EBF3: variants seen among roughly 807,000 people sequenced by gnomAD.
EBF3 encodes the protein transcription factor COE3.
Under a neutral mutation model 77.1 loss-of-function variants are expected in EBF3, and 18 were observed. The observed-to-expected ratio is 0.23, with a 90% CI of 0.16 to 0.35. The LOEUF (loss-of-function observed/expected upper bound fraction) is 0.35, where lower values mean the gene tolerates loss of function less well. Among genes scored for constraint, EBF3 ranks in the 10% least tolerant of loss-of-function variants. The pLI is 1.00. For synonymous variants in EBF3, 350 were observed against 343.5 expected (o/e 1.02, Z -0.21); for missense variants, 558 against 860.0 (o/e 0.65, Z 4.39).
chr10:129,903,180 G>A (rs910613812), intron 6 of EBF3, among the ~76,000 whole-genome samples: 15 of 152,234 alleles, frequency 9.9e-5, no homozygotes, highest in Non-Finnish European at 1.8e-4. Flanking sequence ...ATGGAACCAG[G>A]TGAAGCTGCT....
chr10:129,849,135 A>G (rs990874629), intron 10 of EBF3, among the ~76,000 whole-genome samples: 5 of 152,228 alleles, frequency 3.3e-5, no homozygotes, highest in Non-Finnish European at 7.3e-5. Flanking sequence ...TCAGCGGCAC[A>G]TGCGCTGTGT....
At chr10:129,953,040 A>C (rs1398118019) in intron 6 of EBF3, among the ~76,000 whole-genome samples, 1 of 151,864 alleles carries the variant, frequency 6.6e-6, no homozygotes, top group Non-Finnish European at 1.5e-5. Context: ...CTAAAAAAAA[A>C]AAAAAAGAAG....
Position 129,841,042 on chromosome 10 carries a change from T to TCCACC in EBF3, c.1373-11_1373-10insGGTGG. The TCCACC allele has an allele frequency of 1.3e-6, 2 of 1,507,650 alleles. No homozygotes were observed. The highest frequency in any genetic ancestry group is 1.8e-6 in the Non-Finnish European group (2 of 1,131,780). 93.4% of individuals were successfully genotyped at this position (1,507,650 alleles called of 1,614,324 possible). ...TTGCGACTGTAGCCGACTGTTGAAA[T>TCCACC]CCCCCCCCCGGCCAAAAATAACATT... is the stretch of plus-strand genomic sequence containing the variant. On this transcript the variant is annotated splice_polypyrimidine_tract_variant and intron_variant, in intron 13 of 16. Coordinates refer to ENST00000440978, the MANE Select transcript of EBF3 (RefSeq NM_001375380.1). This position sits in a 1 kb window ranked among gnomAD's most constrained non-coding sequence, Gnocchi z 4.6.
At chr10:129,840,518 C>T in intron 14 of EBF3, 76 bp from the exon 15 acceptor site, 1 of 1,483,036 alleles carries the variant, frequency 6.7e-7, no homozygotes, top group East Asian at 2.5e-5. Flanking sequence ...AAGGCCTCGC[C>T]TCGGACGGGG....
chr10:129,887,359 T>C (rs1853682820), intron 6 of EBF3, among the ~76,000 whole-genome samples: 2 of 152,226 alleles, frequency 1.3e-5, no homozygotes, highest in African/African-American at 2.4e-5. Flanking sequence ...AAGCGCTGTC[T>C]TGTTACCGAG....
intron 6 of EBF3, among the ~76,000 whole-genome samples, chr10:129,922,106 T>C (rs1856353797): frequency 6.6e-6 from 1 of 152,216 alleles, no homozygotes; most frequent in African/African-American, 2.4e-5. Flanking sequence ...ACCAGGCTCA[T>C]GCCAGCCCTG....
intron 6 of EBF3, among the ~76,000 whole-genome samples, chr10:129,931,972 G>A (rs1314989616): frequency 3.3e-5 from 5 of 152,226 alleles, no homozygotes; most frequent in African/African-American, 7.2e-5. Context: ...TGAACCTGGC[G>A]GTTCTCTGTG....
At chr10:129,955,544 C>T (rs577766848) in intron 6 of EBF3, among the ~76,000 whole-genome samples, 12 of 152,214 alleles carry the variant, frequency 7.9e-5, no homozygotes, top group East Asian at 3.9e-4. Context: ...AACATTCAGA[C>T]GAGAATTAAG....
chr10:129,905,357 T>C (rs1382974897), intron 6 of EBF3, among the ~76,000 whole-genome samples: 3 of 152,134 alleles, frequency 2.0e-5, no homozygotes, highest in African/African-American at 7.3e-5. Context: ...TCAGCAATTT[T>C]ATATTGACTA....
At position 129,943,819 on chromosome 10, in the gene EBF3, T is replaced by G. The variant is rs1043718893; in HGVS notation, c.554+13439A>C. Among the ~76,000 whole-genome samples, 3 of 152,210 alleles carry G rather than the reference T, an allele frequency of 2.0e-5. No homozygotes were observed. Among genetic ancestry groups the G allele is most frequent in the African/African-American group, 7.2e-5 (3 of 41,448 alleles). The stretch of plus-strand genomic sequence containing the variant: ...TTTGGGCTTGATCCTTTTGAGCAGT[T>G]TTTTTCTGTGCTGAGCTCTCTGGAA... On this transcript the variant is annotated intron_variant, in intron 6 of 16. Transcript: ENST00000440978. The surrounding 1 kb of genome is among the most constrained non-coding windows in gnomAD (Gnocchi z 8.8).
intron 6 of EBF3, among the ~76,000 whole-genome samples, chr10:129,954,767 T>A (rs1289630722): frequency 6.6e-6 from 1 of 152,160 alleles, no homozygotes; most frequent in African/African-American, 2.4e-5. Flanking sequence ...TTGTATATAA[T>A]TCTTTTTTAA....
At chr10:129,847,806 C>T (rs1478447100) in intron 11 of EBF3, among the ~76,000 whole-genome samples, 2 of 152,138 alleles carry the variant, frequency 1.3e-5, no homozygotes, top group Non-Finnish European at 2.9e-5. Flanking sequence ...TGATATGTGG[C>T]GTGTGCATAA....
intron 6 of EBF3, among the ~76,000 whole-genome samples, chr10:129,907,463 C>A (rs991642428): frequency 6.6e-6 from 1 of 152,176 alleles, no homozygotes; most frequent in Non-Finnish European, 1.5e-5. Context: ...TAGGTGACGA[C>A]AAAATCTATT....
intron 6 of EBF3, among the ~76,000 whole-genome samples, chr10:129,915,686 AT>A (rs1448247486): frequency 6.6e-6 from 1 of 152,158 alleles, no homozygotes; most frequent in Non-Finnish European, 1.5e-5. Context: ...AGAGCACAAT[AT>A]TTTATTTAAA....
At chr10:129,956,110 C>T (rs994268813) in intron 6 of EBF3, among the ~76,000 whole-genome samples, 6 of 152,148 alleles carry the variant, frequency 3.9e-5, no homozygotes, top group Non-Finnish European at 7.3e-5. Flanking sequence ...TGTCAGATAC[C>T]GAACATTCTC....
intron 15 of EBF3, 72 bp downstream of exon 15, chr10:129,840,173 C>CCCCCCCCCCCACA: frequency 1.4e-6 from 2 of 1,451,970 alleles, no homozygotes; most frequent in Non-Finnish European, 1.8e-6. Flanking sequence ...AAAGGCCGAG[C>CCCCCCCCCCCACA]CCCCACCCCC....
chr10:129,873,742 GCT>G (rs1261500318), intron 7 of EBF3, 146 bp from the exon 8 acceptor site: 2 of 870,662 alleles, frequency 2.3e-6, no homozygotes, highest in Admixed American at 8.2e-5. Context: ...TGCGTTCACA[GCT>G]TTTTTGGCTA....
intron 10 of EBF3, among the ~76,000 whole-genome samples, chr10:129,862,088 G>A (rs1216859838): frequency 6.6e-6 from 1 of 152,182 alleles, no homozygotes; most frequent in African/African-American, 2.4e-5. Flanking sequence ...CCCAGGGCCA[G>A]GACAGCCCTG....
At chr10:129,942,860 G>A (rs1857873593) in intron 6 of EBF3, among the ~76,000 whole-genome samples, 1 of 152,168 alleles carries the variant, frequency 6.6e-6, no homozygotes. Context: ...GGGTGGGAGG[G>A]ACAGAAATTT....
Sources: gnomAD v4.1 joint callset for allele counts (sites outside exome capture counted in the v4.1 genomes callset) on GRCh38, gnomAD v4.1.1 for gene constraint, Gnocchi (gnomAD v3.1) non-coding constraint, MANE v1.5 for transcripts, NCBI Gene and HGNC (gene_info 2026-07-23, HGNC 2026-07-21) for gene names.